The following FOXP2 variants were observed in gnomAD, a reference collection of about 807,000 sequenced individuals.
FOXP2 encodes forkhead box P2.
A neutral mutation model predicts 115.8 loss-of-function variants in FOXP2; 12 were observed. The observed-to-expected ratio is 0.10, with a 90% CI of 0.07 to 0.17. The LOEUF is 0.17. FOXP2 is among the 10% of genes least tolerant of loss of function. The pLI is 1.00. For missense variants in FOXP2, 629 were observed against 843.5 expected, an observed-to-expected ratio of 0.75 and a Z score of 3.15; for synonymous variants, 328 against 297.7, an observed-to-expected ratio of 1.10 and a Z score of -1.05.
chr7:114,596,649 C>A (rs1802725138), intron 3 of FOXP2, among the ~76,000 whole-genome samples: 1 of 152,062 alleles, frequency 6.6e-6, no homozygotes, highest in African/African-American at 2.4e-5. Context: ...TATAATAATT[C>A]TTTTCGGCAT....
chr7:114,466,392 T>C (rs1251963110), intron 2 of FOXP2, among the ~76,000 whole-genome samples: 2 of 152,192 alleles, frequency 1.3e-5, no homozygotes, highest in Non-Finnish European at 2.9e-5. Flanking sequence ...TTCTTCTTTG[T>C]TCAGATGTCT....
chr7:114,258,523 C>T (rs1795674538), intron 1 of FOXP2, among the ~76,000 whole-genome samples: 1 of 152,116 alleles, frequency 6.6e-6, no homozygotes, highest in African/African-American at 2.4e-5. Context: ...CAGAATGAAA[C>T]AAAGGATCTC....
intron 1 of FOXP2, among the ~76,000 whole-genome samples, chr7:114,271,202 A>G (rs904346126): frequency 6.6e-6 from 1 of 151,826 alleles, no homozygotes; most frequent in Non-Finnish European, 1.5e-5. Context: ...TTTTCTACAC[A>G]GCCAATCATG....
intron 2 of FOXP2, among the ~76,000 whole-genome samples, chr7:114,469,666 T>A (rs574998287): frequency 6.6e-6 from 1 of 152,196 alleles, no homozygotes; most frequent in Non-Finnish European, 1.5e-5. Flanking sequence ...TAGGAAGCAA[T>A]GAAGATTATA....
intron 3 of FOXP2, among the ~76,000 whole-genome samples, chr7:114,548,022 C>G (rs1370185219): frequency 6.6e-6 from 1 of 152,204 alleles, no homozygotes; most frequent in Non-Finnish European, 1.5e-5. Flanking sequence ...CCAGAGCTGA[C>G]TGGTACAACT....
intron 1 of FOXP2, among the ~76,000 whole-genome samples, chr7:114,272,570 C>T (rs1398379469): frequency 6.6e-6 from 1 of 151,738 alleles, no homozygotes; most frequent in Admixed American, 6.6e-5. Context: ...AGACATAGGC[C>T]TATTCTGGTT....
chr7:114,640,300 A>C (rs1201179499), intron 6 of FOXP2, among the ~76,000 whole-genome samples: 1 of 152,138 alleles, frequency 6.6e-6, no homozygotes, highest in East Asian at 1.9e-4. Context: ...TTATAAAGCC[A>C]CTTTCTTTTT....
At chr7:114,565,985 T>C (rs966965016) in intron 3 of FOXP2, among the ~76,000 whole-genome samples, 1 of 152,136 alleles carries the variant, frequency 6.6e-6, no homozygotes, top group African/African-American at 2.4e-5. Flanking sequence ...AAATTTGTTT[T>C]TCAGAAATGG....
chr7:114,537,889 G>A (rs1454080602), intron 3 of FOXP2, among the ~76,000 whole-genome samples: 1 of 151,602 alleles, frequency 6.6e-6, no homozygotes, highest in East Asian at 1.9e-4. Flanking sequence ...GCAAATGGGA[G>A]CCAATATTAA....
At chr7:114,098,702 A>G (rs905723057) in intron 1 of FOXP2, among the ~76,000 whole-genome samples, 19 of 152,200 alleles carry the variant, frequency 1.2e-4, no homozygotes, top group Non-Finnish European at 2.5e-4. Flanking sequence ...GGCTACAAAA[A>G]CGAAAATAAA....
intron 10 of FOXP2, among the ~76,000 whole-genome samples, chr7:114,654,653 T>C (rs1199945655): frequency 6.6e-6 from 1 of 152,162 alleles, no homozygotes; most frequent in Non-Finnish European, 1.5e-5. Flanking sequence ...AATAATGTAG[T>C]CAGATACACA....
intron 2 of FOXP2, among the ~76,000 whole-genome samples, chr7:114,435,328 G>A (rs992909771): frequency 1.3e-5 from 2 of 151,898 alleles, no homozygotes; most frequent in East Asian, 1.9e-4. Flanking sequence ...AGGATCAATC[G>A]GCAGAAAAAG....
intron 3 of FOXP2, among the ~76,000 whole-genome samples, chr7:114,616,814 C>T (rs1803976137): frequency 6.6e-6 from 1 of 152,174 alleles, no homozygotes; most frequent in Admixed American, 6.5e-5. Flanking sequence ...GTGGTTCATT[C>T]CCATAATCCC....
chr7:114,497,395 C>A (rs57320628), intron 2 of FOXP2, among the ~76,000 whole-genome samples: 1 of 152,300 alleles, frequency 6.6e-6, no homozygotes, highest in Non-Finnish European at 1.5e-5. Flanking sequence ...CGCTTGTAAT[C>A]TGAGCACTTT....
chr7:114,546,624 A>G (rs10953761), intron 3 of FOXP2, among the ~76,000 whole-genome samples: 26,156 of 151,916 alleles, frequency 0.17, 2,694 homozygotes, highest in African/African-American at 0.29. Context: ...GCAAACTCCT[A>G]TACATACTTT....
chr7:114,170,162 A>G (rs1269453188), intron 1 of FOXP2, among the ~76,000 whole-genome samples: 1 of 152,132 alleles, frequency 6.6e-6, no homozygotes, highest in Non-Finnish European at 1.5e-5. Context: ...TATTATATCT[A>G]TTATGGTGAG....
At chr7:114,567,073 A>T (rs774208684) in intron 3 of FOXP2, among the ~76,000 whole-genome samples, 2 of 152,108 alleles carry the variant, frequency 1.3e-5, no homozygotes, top group African/African-American at 2.4e-5. Flanking sequence ...TTTAGTATGT[A>T]TCATGAAGTC....
intron 2 of FOXP2, among the ~76,000 whole-genome samples, chr7:114,386,602 G>A (rs1792460542): frequency 6.6e-6 from 1 of 152,122 alleles, no homozygotes; most frequent in Non-Finnish European, 1.5e-5. Flanking sequence ...ACTATTTTTG[G>A]TTTCACCTTT....
intron 1 of FOXP2, among the ~76,000 whole-genome samples, chr7:114,139,524 A>G (rs1029726703): frequency 4.6e-5 from 7 of 152,138 alleles, no homozygotes; most frequent in African/African-American, 1.7e-4. Flanking sequence ...AGTCTTTAAT[A>G]GTTAAGATAT....
Sources: allele counts gnomAD v4.1 joint callset (sites outside exome capture counted in the v4.1 genomes callset), GRCh38; gene constraint gnomAD v4.1.1; transcripts MANE v1.5; gene names NCBI Gene and HGNC (gene_info 2026-07-23, HGNC 2026-07-21).